Variants in THAP2 observed in about 807,000 individuals in gnomAD.
The protein encoded by THAP2 is THAP domain-containing protein 2.
THAP2 carries 16 observed loss-of-function variants against 18.8 expected under a neutral mutation model. The ratio of observed to expected loss-of-function variants is 0.85; its 90% CI spans 0.58 to 1.29. The LOEUF (loss-of-function observed/expected upper bound fraction) is 1.29, where lower values mean the gene tolerates loss of function less well. Among genes scored for constraint, THAP2 ranks in the 50% most tolerant of loss-of-function variants. THAP2 has a pLI of 0.00. For missense variants in THAP2, 251 were observed against 265.3 expected (o/e 0.95, Z 0.38); for synonymous variants, 80 against 89.2 (o/e 0.90, Z 0.58).
intron 1 of THAP2, among the ~76,000 whole-genome samples, chr12:71,666,587 A>G (rs1881346944): frequency 1.3e-5 from 2 of 152,324 alleles, no homozygotes; most frequent in African/African-American, 2.4e-5. Context: ...TTTGCCTACT[A>G]TGAATTTAAC....
chr12:71,664,757 A>C (rs144451432), intron 1 of THAP2, 177 bp downstream of exon 1: 1 of 778,782 alleles, frequency 1.3e-6, no homozygotes, highest in East Asian at 2.7e-5. Context: ...GCTTTCGGGG[A>C]AGCTTTACTC....
intron 1 of THAP2, among the ~76,000 whole-genome samples, chr12:71,667,083 GTCTC>G (rs1881356174): frequency 6.6e-6 from 1 of 152,072 alleles, no homozygotes; most frequent in South Asian, 2.1e-4. Context: ...TAAACTTACT[GTCTC>G]TATCTTTCTT....
rs912371556 is a variant in THAP2 at position 71,668,626 on chromosome 12, T to C, written c.71+4046T>C. ...CTACCTTCCCCATTACAGTATACGC[T>C]CATGGAAGAGAAGTCCTATGTCTAT... On this transcript the variant is annotated intron_variant, in intron 1 of 2. Transcript: ENST00000308086. Among the ~76,000 whole-genome samples, 10 of 152,344 alleles carry C rather than the reference T, an allele frequency of 6.6e-5. No individual in the cohort carries two copies. The East Asian group carries it at 1.2e-3, about 18-fold the overall frequency.
In THAP2 at chr12:71,676,706, T is replaced by C; in HGVS notation, c.285T>C (p.Asn95=). 6.3e-7 allele frequency: 1 copy of C among 1,577,178 alleles called. No homozygotes were observed. ...HIKSMKLKSR[N]LLKKNNSCSP... The stretch of plus-strand genomic sequence containing the variant: ...CGGCTCAGAAACTCAAGTCAAGGAA[T>C]CTTTTGAAGAAAAACAACAGTTGTT... The change falls in exon 3 of 3, where the codon AAT becomes AAC. Residue 95 remains asparagine, a synonymous_variant. Transcript: ENST00000308086.
chr12:71,667,185 A>G (rs979621699), intron 1 of THAP2, among the ~76,000 whole-genome samples: 7 of 152,066 alleles, frequency 4.6e-5, no homozygotes, highest in African/African-American at 1.5e-4. Flanking sequence ...CTCTACATTC[A>G]TTTTTCATGG....
rs1881552532 is a variant in THAP2, at chr12:71,678,374, C to T, written c.*1266C>T. Reference sequence around the variant, plus strand: ...GTTCCCTATAGAAATATGTGTATGTCTGTGATAGTGGTATGCAAATGCTAA... The same window carrying T: ...GTTCCCTATAGAAATATGTGTATGTTTGTGATAGTGGTATGCAAATGCTAA... On this transcript the variant is annotated 3_prime_UTR_variant, in exon 3 of 3. Transcript: ENST00000308086. The T allele has an allele frequency of 1.3e-5, 2 of 152,564 alleles. No homozygotes were observed. The highest frequency in any genetic ancestry group is 1.3e-4 in the Admixed American group (2 of 15,270). The allele number at this position is 152,564 out of a possible 1,614,324, so 9.5% of individuals were successfully genotyped here.
intron 1 of THAP2, among the ~76,000 whole-genome samples, chr12:71,667,101 T>C (rs1413727031): frequency 3.3e-5 from 5 of 152,172 alleles, no homozygotes; most frequent in Non-Finnish European, 7.4e-5. Context: ...CTTTCTTACC[T>C]CTTAGCCAAC....
chr12:71,674,339 C>T lies in THAP2; in HGVS notation c.208C>T (p.Arg70Ter), dbSNP rs1285298071. The change falls in exon 2 of 3, where the codon CGA becomes TGA. Residue 70 changes from arginine to a stop codon, truncating the protein, a stop_gained. Coordinates refer to ENST00000308086, the MANE Select transcript of THAP2 (RefSeq NM_031435.4). LOFTEE classifies it high-confidence loss of function. ...TTTTGACCTAACAGGACAAACTCGA[C>T]GACTTAAAATGGATGCTGTTCCAAC... ...SCFDLTGQTR[R>*]LKMDAVPTIF... The T allele has an allele frequency of 1.3e-5, 21 of 1,612,878 alleles. No individual in the cohort carries two copies. The highest frequency in any genetic ancestry group is 2.2e-5 in the East Asian group (1 of 44,850).
intron 1 of THAP2, among the ~76,000 whole-genome samples, chr12:71,666,534 C>CA (rs919071186): frequency 1.1e-4 from 16 of 149,552 alleles, no homozygotes; most frequent in East Asian, 5.9e-4. Flanking sequence ...AAAAACAAAA[C>CA]AAAAAAAAAG....
In THAP2 at chr12:71,664,549, T is replaced by C; in HGVS notation, c.40T>C (p.Tyr14His). ...NCAAAGCATT[Y>H]NKHINISFHR... is the part of the protein sequence containing the mutation. ...CGCTGCGGCGGGCTGTGCCACTACC[T>C]ACAACAAGCACATTAACATCAGCTT... The change falls in exon 1 of 3, where the codon TAC becomes CAC. Residue 14 changes from tyrosine to histidine, a missense_variant. Transcript: ENST00000308086. 6.2e-7 allele frequency: 1 copy of C among 1,614,138 alleles called. No homozygotes were observed.
At chr12:71,669,957 C>CA (rs5799052) in intron 1 of THAP2, among the ~76,000 whole-genome samples, 55,367 of 104,296 alleles carry the variant, frequency 0.53, 14,643 homozygotes, top group East Asian at 0.79. Flanking sequence ...AACTCCGTCT[C>CA]AAAAAAAAAA....
In THAP2 at chr12:71,674,186, A is replaced by ATTTTT. The variant is rs5799053; in HGVS notation, c.72-8_72-4dup. ...TTATGATAGTTGGAATTTGAGTTGC[A>ATTTTT]TTTTTTTTTTTTTAAGGTTTCCTTT... is the stretch of plus-strand genomic sequence containing the variant. On this transcript the variant is annotated splice_polypyrimidine_tract_variant and intron_variant, in intron 1 of 2. Coordinates refer to ENST00000308086, the MANE Select transcript of THAP2 (RefSeq NM_031435.4). 8.8e-3 allele frequency: 11,915 copies of ATTTTT among 1,349,006 alleles called. 12 individuals are homozygous for ATTTTT. The highest frequency in any genetic ancestry group is 0.01 in the Non-Finnish European group (10,149 of 997,382). 83.6% of individuals were successfully genotyped at this position (1,349,006 alleles called of 1,614,324 possible). A position where few individuals can be genotyped will look rare whatever the true frequency, so the allele number is the denominator to read the frequency against.
rs1592609461 is a variant in THAP2 at position 71,664,891 on chromosome 12, G to A, written c.71+311G>A. On this transcript the variant is annotated intron_variant, in intron 1 of 2. Transcript: ENST00000308086. The stretch of plus-strand genomic sequence containing the variant: ...TAGACCGGGCCTTGACATGAATGAC[G>A]CCGTAAGGGAGAAAGAGATCTTCCC... 3 of 702,272 alleles carry A rather than the reference G, an allele frequency of 4.3e-6. No individual in the cohort carries two copies. In the African/African-American group the frequency reaches 5.2e-5, roughly 12 times the overall value. 43.5% of individuals were successfully genotyped at this position (702,272 alleles called of 1,614,324 possible). A position where few individuals can be genotyped will look rare whatever the true frequency, so the allele number is the denominator to read the frequency against.
In THAP2 at chr12:71,674,214, A is replaced by G; in HGVS notation, c.83A>G (p.Asp28Gly). ...INISFHRFPL[D>G]PKRRKEWVRL... ...TTTTTTTTTTTAAGGTTTCCTTTGG[A>G]TCCTAAAAGAAGAAAAGAATGGGTT... The change falls in exon 2 of 3, where the codon GAT becomes GGT. Residue 28 changes from aspartate to glycine, a missense_variant. Transcript: ENST00000308086. 1 of 1,579,192 alleles carries G rather than the reference A, an allele frequency of 6.3e-7. No homozygotes were observed. Among genetic ancestry groups the G allele is most frequent in the Non-Finnish European group, 8.6e-7 (1 of 1,165,024 alleles).
At position 71,676,784 on chromosome 12, in the gene THAP2, A is replaced by T; in HGVS notation, c.363A>T (p.Leu121=). The T allele has an allele frequency of 6.2e-7, 1 of 1,613,462 alleles. No homozygotes were observed. The highest frequency in any genetic ancestry group is 8.5e-7 in the Non-Finnish European group (1 of 1,179,560). The change falls in exon 3 of 3, where the codon CTA becomes CTT. Residue 121 remains leucine, a synonymous_variant. Coordinates refer to ENST00000308086, the MANE Select transcript of THAP2 (RefSeq NM_031435.4). The part of the protein sequence containing the change: ...LKSNISSQQV[L]LEHSYAFRNP... ...CAAACATTAGTAGTCAGCAAGTACT[A>T]CTTGAACACAGCTATGCCTTTAGGA... is the stretch of plus-strand genomic sequence containing the variant.
At chr12:71,664,859 CCT>C (rs2137574297) in intron 1 of THAP2, 2 of 702,590 alleles carry the variant, frequency 2.8e-6, no homozygotes, top group East Asian at 2.7e-5. Context: ...CTGTTTTATT[CCT>C]CTGTTAGACC....
At chr12:71,666,405 C>G (rs1193134781) in intron 1 of THAP2, among the ~76,000 whole-genome samples, 1 of 151,940 alleles carries the variant, frequency 6.6e-6, no homozygotes, top group Non-Finnish European at 1.5e-5. Flanking sequence ...CCCAGCTACT[C>G]CGGAGGCTGA....
chr12:71,665,719 C>T (rs1881325745), intron 1 of THAP2: 1 of 152,156 alleles, frequency 6.6e-6, no homozygotes, highest in East Asian at 1.9e-4. Flanking sequence ...CAGATTGGGT[C>T]CTGTGTGCTA....
rs1329110630 is a variant in THAP2, at chr12:71,680,176, T to C, written c.*3068T>C. 1.3e-5 allele frequency: 2 copies of C among 152,228 alleles called. No homozygotes were observed. Among genetic ancestry groups the C allele is most frequent in the African/African-American group, 2.4e-5 (1 of 41,468 alleles). 9.4% of individuals were successfully genotyped at this position (152,228 alleles called of 1,614,324 possible). A position where few individuals can be genotyped will look rare whatever the true frequency, so the allele number is the denominator to read the frequency against. On this transcript the variant is annotated 3_prime_UTR_variant, in exon 3 of 3. Transcript: ENST00000308086. ...TTACACATGAAGACATCCTTGTTAA[T>C]GCAATTTATTTATTCATTCGGGCAT...
Sources: allele counts gnomAD v4.1 joint callset (sites outside exome capture counted in the v4.1 genomes callset), GRCh38; gene constraint gnomAD v4.1.1; transcripts MANE v1.5; gene names NCBI Gene and HGNC (gene_info 2026-07-23, HGNC 2026-07-21).